CAMK2D: variants seen among roughly 807,000 people sequenced by gnomAD.
CAMK2D encodes the protein calcium/calmodulin dependent protein kinase II delta.
A neutral mutation model predicts 84.0 loss-of-function variants in CAMK2D; 37 were observed. The ratio of observed to expected loss-of-function variants is 0.44; its 90% CI spans 0.34 to 0.58. The LOEUF (loss-of-function observed/expected upper bound fraction) is 0.58. Among genes scored for constraint, CAMK2D ranks in the 20% least tolerant of loss-of-function variants. The pLI, the probability that CAMK2D is intolerant of heterozygous loss-of-function variation, is 0.02. For missense variants in CAMK2D, 448 were observed against 652.5 expected (o/e 0.69, Z 3.41); for synonymous variants, 202 against 212.5 (o/e 0.95, Z 0.43).
chr4:113,546,946 A>G (rs1021515578), intron 6 of CAMK2D, among the ~76,000 whole-genome samples: 2 of 152,174 alleles, frequency 1.3e-5, no homozygotes, highest in African/African-American at 4.8e-5. Flanking sequence ...TGAAGTCTTA[A>G]GGGTATCAGT....
chr4:113,470,433 CAA>C (rs1161614137), intron 16 of CAMK2D, among the ~76,000 whole-genome samples: 1 of 152,008 alleles, frequency 6.6e-6, no homozygotes, highest in African/African-American at 2.4e-5. Flanking sequence ...ATCACGAGGT[CAA>C]GAGACCATCC....
At chr4:113,738,482 AT>A (rs1011804202) in intron 2 of CAMK2D, among the ~76,000 whole-genome samples, 1 of 151,936 alleles carries the variant, frequency 6.6e-6, no homozygotes, top group African/African-American at 2.4e-5. Context: ...TACCAACCTG[AT>A]TTTTTTTAAA....
chr4:113,712,968 A>G (rs762843019), intron 2 of CAMK2D, among the ~76,000 whole-genome samples: 34 of 152,102 alleles, frequency 2.2e-4, no homozygotes, highest in Non-Finnish European at 4.7e-4. Context: ...AATTTCATAG[A>G]AATGGTATTA....
chr4:113,677,006 CCTAAAGGCGAAGAGCTAAAAT>C (rs763452728), intron 2 of CAMK2D, among the ~76,000 whole-genome samples: 1 of 152,118 alleles, frequency 6.6e-6, no homozygotes, highest in Non-Finnish European at 1.5e-5. Flanking sequence ...CAGAAAAAAC[CCTAAAGGCGAAGAGCTAAAAT>C]TCAGCCTCAC....
intron 4 of CAMK2D, among the ~76,000 whole-genome samples, chr4:113,595,305 G>A (rs1323348465): frequency 6.6e-6 from 1 of 152,116 alleles, no homozygotes; most frequent in Non-Finnish European, 1.5e-5. Flanking sequence ...TGGAAACTCA[G>A]ATCTACAGCC....
intron 9 of CAMK2D, among the ~76,000 whole-genome samples, chr4:113,516,807 A>G (rs1344566617): frequency 6.6e-6 from 1 of 152,144 alleles, no homozygotes; most frequent in Non-Finnish European, 1.5e-5. Flanking sequence ...GCATGCCCAG[A>G]CCCTGCACAT....
intron 4 of CAMK2D, among the ~76,000 whole-genome samples, chr4:113,572,802 T>C (rs551700024): frequency 1.3e-5 from 2 of 152,180 alleles, no homozygotes; most frequent in South Asian, 2.1e-4. Flanking sequence ...TAAATGCCCA[T>C]CAATGACAGA....
At chr4:113,511,181 T>C (rs13130985) in intron 12 of CAMK2D, among the ~76,000 whole-genome samples, 97,490 of 151,972 alleles carry the variant, frequency 0.64, 32,871 homozygotes, top group African/African-American at 0.85. Context: ...TACTTATGGA[T>C]AAATTACTTT....
chr4:113,481,521 C>T (rs75382760), intron 16 of CAMK2D, among the ~76,000 whole-genome samples: 9,304 of 151,980 alleles, frequency 0.061, 568 homozygotes, highest in East Asian at 0.21. Context: ...ACTCTGCTGC[C>T]CAGGCTGGAG....
At chr4:113,460,915 C>CT (rs1254458206) in intron 17 of CAMK2D, among the ~76,000 whole-genome samples, 12 of 152,084 alleles carry the variant, frequency 7.9e-5, no homozygotes, top group Admixed American at 7.9e-4. Flanking sequence ...TCGTCTCGGA[C>CT]TCTAGGCACA....
At chr4:113,486,715 A>G (rs1008254668) in intron 16 of CAMK2D, among the ~76,000 whole-genome samples, 1 of 152,226 alleles carries the variant, frequency 6.6e-6, no homozygotes, top group African/African-American at 2.4e-5. Context: ...ATTTTTTAAT[A>G]TAACAACAAA....
Position 113,759,398 on chromosome 4 carries a change from C to T in CAMK2D, c.82G>A (p.Val28Met), listed in dbSNP as rs745952891. The change falls in exon 2 of 21, where the codon GTG becomes ATG. Residue 28 changes from valine to methionine, a missense_variant. Transcript: ENST00000511664. ...GTAGGAATTTTCATACATCTTCTCA[C>T]CACTGAGAATGCCCCCCTGGAAACC... ...EELGKGAFSV[V>M]RRCMKIPTGQ... 1 of 1,601,288 alleles carries T rather than the reference C, an allele frequency of 6.2e-7. No individual in the cohort carries two copies. The highest frequency in any genetic ancestry group is 8.5e-7 in the Non-Finnish European group (1 of 1,172,212).
intron 18 of CAMK2D, among the ~76,000 whole-genome samples, chr4:113,458,685 CT>C (rs1564376907): frequency 1.3e-5 from 2 of 152,056 alleles, no homozygotes; most frequent in African/African-American, 4.8e-5. Context: ...TCAAATAGTT[CT>C]TTTTGTTTAT....
intron 17 of CAMK2D, among the ~76,000 whole-genome samples, chr4:113,460,694 T>A (rs538009634): frequency 4.0e-5 from 6 of 149,732 alleles, no homozygotes; most frequent in African/African-American, 1.2e-4. Context: ...TAATAATTAT[T>A]ATTATTTTTG....
intron 16 of CAMK2D, among the ~76,000 whole-genome samples, chr4:113,491,352 AG>A (rs1400477576): frequency 8.5e-6 from 1 of 118,108 alleles, no homozygotes; most frequent in Non-Finnish European, 1.7e-5. Context: ...TTTAGCATGA[AG>A]GGTTGTTGAA....
intron 4 of CAMK2D, among the ~76,000 whole-genome samples, chr4:113,553,932 G>C (rs1259972263): frequency 6.6e-6 from 1 of 152,114 alleles, no homozygotes; most frequent in Non-Finnish European, 1.5e-5. Flanking sequence ...TCCTTTGAAT[G>C]TGACTGATGT....
rs547651239 is a variant in CAMK2D, at chr4:113,645,190, G to C, written c.220+16523C>G. Among the ~76,000 whole-genome samples, 4 of 152,008 alleles carry C rather than the reference G, an allele frequency of 2.6e-5. No homozygotes were observed. In the East Asian group the frequency reaches 7.7e-4, roughly 29 times the overall value. On this transcript the variant is annotated intron_variant, in intron 3 of 20. Coordinates refer to ENST00000511664, the MANE Select transcript of CAMK2D (RefSeq NM_001321571.2). The stretch of plus-strand genomic sequence containing the variant: ...CGCCACCACGCCCAGCTAATTTTTT[G>C]CATTTTTAGTAGAGACAGGGTTTCA...
intron 4 of CAMK2D, among the ~76,000 whole-genome samples, chr4:113,599,913 A>G (rs1178699208): frequency 6.6e-6 from 1 of 151,772 alleles, no homozygotes; most frequent in Non-Finnish European, 1.5e-5. Context: ...GGAAGAGGAG[A>G]AGTTGGTCTT....
At chr4:113,468,207 G>A (rs1441993113) in intron 16 of CAMK2D, among the ~76,000 whole-genome samples, 2 of 152,208 alleles carry the variant, frequency 1.3e-5, no homozygotes, top group African/African-American at 2.4e-5. Context: ...GTGGAAATAC[G>A]CATTCACTCT....
Sources: allele counts gnomAD v4.1 joint callset (sites outside exome capture counted in the v4.1 genomes callset), GRCh38; gene constraint gnomAD v4.1.1; transcripts MANE v1.5; gene names NCBI Gene and HGNC (gene_info 2026-07-23, HGNC 2026-07-21).